Variants in PCDHGA10 observed in about 807,000 individuals in gnomAD.
The protein encoded by PCDHGA10 is protocadherin gamma subfamily A, 10.
Under a neutral mutation model 59.5 loss-of-function variants are expected in PCDHGA10, and 42 were observed. That is an observed-to-expected ratio of 0.71 (90% CI 0.55 to 0.91). PCDHGA10 has a LOEUF of 0.91. Among genes scored for constraint, PCDHGA10 ranks in the 40% least tolerant of loss-of-function variants. The probability of loss-of-function intolerance (pLI) is 0.00; values close to 1 mark genes in which losing one functional copy is unlikely to be tolerated. For missense variants in PCDHGA10, 1,111 were observed against 1,198.2 expected (o/e 0.93, Z 1.07); for synonymous variants, 511 against 517.2 (o/e 0.99, Z 0.16).
In PCDHGA10 at chr5:141,494,634, T is replaced by C. The variant is rs917243803; in HGVS notation, c.2437-173T>C. The C allele has an allele frequency of 1.1e-5, 10 of 889,216 alleles. No individual in the cohort carries two copies. In the African/African-American group the frequency reaches 1.8e-4, roughly 16 times the overall value. 55.1% of individuals were successfully genotyped at this position (889,216 alleles called of 1,614,324 possible). A position where few individuals can be genotyped will look rare whatever the true frequency, so the allele number is the denominator to read the frequency against. On this transcript the variant is annotated intron_variant, in intron 1 of 3. Coordinates refer to ENST00000398610, the MANE Select transcript of PCDHGA10 (RefSeq NM_018913.3). ...CTTGGTTTCTGGTACCTCAGACCTC[T>C]GAGACCTGAGGTGTATTTTGTCTTT...
intron 2 of PCDHGA10, among the ~76,000 whole-genome samples, chr5:141,504,479 G>T (rs1270717855): frequency 6.6e-6 from 1 of 152,100 alleles, no homozygotes; most frequent in African/African-American, 2.4e-5. Context: ...TGGGAGTACA[G>T]TGGAGGCACC....
At chr5:141,479,358 GC>G (rs2154577546) in intron 1 of PCDHGA10, 1 of 152,584 alleles carries the variant, frequency 6.6e-6, no homozygotes, top group Non-Finnish European at 1.5e-5. Flanking sequence ...GCTGCTCAGT[GC>G]CTGAGGTGGG....
At chr5:141,427,603 T>G in intron 1 of PCDHGA10, 2 of 681,440 alleles carry the variant, frequency 2.9e-6, no homozygotes, top group East Asian at 2.8e-5. Flanking sequence ...ACCCTACGCA[T>G]TGGTGAAGTC....
chr5:141,446,188 T>G (rs566309564), intron 1 of PCDHGA10, among the ~76,000 whole-genome samples: 28 of 152,326 alleles, frequency 1.8e-4, no homozygotes, highest in African/African-American at 6.3e-4. Context: ...TTTTGTTTAT[T>G]ATTATATTCC....
rs2099747616 is a variant in PCDHGA10 at position 141,493,318 on chromosome 5, TA to T, written c.2437-1487del. 6.6e-6 allele frequency among the ~76,000 whole-genome samples: 1 copy of T among 152,234 alleles called. No homozygotes were observed. Among genetic ancestry groups the T allele is most frequent in the South Asian group, 2.1e-4 (1 of 4,828 alleles). On this transcript the variant is annotated intron_variant, in intron 1 of 3. Coordinates refer to ENST00000398610, the MANE Select transcript of PCDHGA10 (RefSeq NM_018913.3). This position sits in a 1 kb window ranked among gnomAD's most constrained non-coding sequence, Gnocchi z 4.3. ...TTCACAGAGCAAGTAAGAGAGATTC[TA>T]ACCCCTGTCTAACTCCAGAATGTGT...
chr5:141,460,576 G>A (rs2098992216), intron 1 of PCDHGA10, among the ~76,000 whole-genome samples: 1 of 152,082 alleles, frequency 6.6e-6, no homozygotes, highest in Non-Finnish European at 1.5e-5. Flanking sequence ...ACATATGTAG[G>A]TGTGGGTTTT....
chr5:141,502,383 G>A (rs941410477), intron 2 of PCDHGA10, among the ~76,000 whole-genome samples: 2 of 151,846 alleles, frequency 1.3e-5, no homozygotes, highest in African/African-American at 4.8e-5. Context: ...CAGGCCAGTT[G>A]TACTTTAAAA....
At chr5:141,421,776 G>A in intron 1 of PCDHGA10, 5 of 1,613,876 alleles carry the variant, frequency 3.1e-6, no homozygotes, top group Non-Finnish European at 3.4e-6. Context: ...CCTTGCAACT[G>A]CGGGGCAGAA....
At chr5:141,453,321 T>TG (rs2098762672) in intron 1 of PCDHGA10, among the ~76,000 whole-genome samples, 2 of 151,876 alleles carry the variant, frequency 1.3e-5, no homozygotes, top group Admixed American at 6.6e-5. Context: ...ATTTTAGAGA[T>TG]GGGGTCTCAC....
At chr5:141,429,929 T>A (rs2097253197) in intron 1 of PCDHGA10, among the ~76,000 whole-genome samples, 1 of 152,240 alleles carries the variant, frequency 6.6e-6, no homozygotes, top group African/African-American at 2.4e-5. Flanking sequence ...AATAGAATTC[T>A]GGAGTACTTC....
chr5:141,457,386 A>G lies in PCDHGA10; in HGVS notation c.2437-37421A>G, dbSNP rs1303460358. Reference sequence around the variant, plus strand: ...TGCAAAATAATTGCCCAGAACTAGCATATTGATTCACATTTTCACATTACC... The same window carrying G: ...TGCAAAATAATTGCCCAGAACTAGCGTATTGATTCACATTTTCACATTACC... On this transcript the variant is annotated intron_variant, in intron 1 of 3. Transcript: ENST00000398610. Among the ~76,000 whole-genome samples the G allele has an allele frequency of 5.3e-5, 8 of 152,210 alleles. No homozygotes were observed. The East Asian group carries it at 1.3e-3, about 26-fold the overall frequency.
chr5:141,422,916 C>T, intron 1 of PCDHGA10: 1 of 1,614,260 alleles, frequency 6.2e-7, no homozygotes, highest in Non-Finnish European at 8.5e-7. Context: ...CGCCCGAGAT[C>T]CTGTACCCTG....
intron 1 of PCDHGA10, among the ~76,000 whole-genome samples, chr5:141,449,199 A>T (rs927587807): frequency 3.3e-5 from 5 of 152,190 alleles, no homozygotes; most frequent in Admixed American, 2.6e-4. Flanking sequence ...AGAAGTGTTA[A>T]TTCTAACTTT....
intron 1 of PCDHGA10, chr5:141,419,170 C>G: frequency 6.2e-7 from 1 of 1,613,966 alleles, no homozygotes; most frequent in South Asian, 1.1e-5. Flanking sequence ...CCAGCAAAAC[C>G]ATAACCCTGC....
intron 1 of PCDHGA10, among the ~76,000 whole-genome samples, chr5:141,468,857 C>A (rs1386167428): frequency 2.0e-5 from 3 of 151,962 alleles, no homozygotes; most frequent in Non-Finnish European, 4.4e-5. Context: ...CAGAGCGAGA[C>A]TCCATCTCAA....
chr5:141,455,924 G>A (rs2098837630), intron 1 of PCDHGA10, among the ~76,000 whole-genome samples: 1 of 149,978 alleles, frequency 6.7e-6, no homozygotes. Flanking sequence ...TTGAGACGGA[G>A]TCTCGCTCTG....
At chr5:141,422,110 T>A in intron 1 of PCDHGA10, 1 of 1,606,626 alleles carries the variant, frequency 6.2e-7, no homozygotes, top group South Asian at 1.1e-5. Flanking sequence ...AATATTCCAA[T>A]TGGATTCACA....
chr5:141,424,538 A>G (rs547426760), intron 1 of PCDHGA10: 37 of 152,340 alleles, frequency 2.4e-4, no homozygotes, highest in African/African-American at 8.9e-4. Context: ...TATAGAAATA[A>G]CTTGATTTTG....
At chr5:141,470,059 G>A (rs1206799372) in intron 1 of PCDHGA10, among the ~76,000 whole-genome samples, 6 of 152,186 alleles carry the variant, frequency 3.9e-5, no homozygotes, top group African/African-American at 1.4e-4. Context: ...AACCCCGGAG[G>A]CAGAGACTGT....
Sources: allele counts gnomAD v4.1 joint callset (sites outside exome capture counted in the v4.1 genomes callset), GRCh38; gene constraint gnomAD v4.1.1; non-coding constraint Gnocchi (gnomAD v3.1); transcripts MANE v1.5; gene names NCBI Gene and HGNC (gene_info 2026-07-23, HGNC 2026-07-21).